CTNNA1: variants seen among roughly 807,000 people sequenced by gnomAD.
CTNNA1 encodes catenin alpha-1.
Under a neutral mutation model 98.4 loss-of-function variants are expected in CTNNA1, and 37 were observed. The ratio of observed to expected loss-of-function variants is 0.38; its 90% confidence interval spans 0.29 to 0.49. The LOEUF is 0.49. CTNNA1 is among the 20% of genes least tolerant of loss of function. CTNNA1 has a pLI of 0.95. For synonymous variants in CTNNA1, 404 were observed against 413.2 expected (o/e 0.98, Z 0.27); for missense variants, 761 against 1,147.2 (o/e 0.66, Z 4.86).
intron 7 of CTNNA1, among the ~76,000 whole-genome samples, chr5:138,852,806 C>G (rs1581271049): frequency 1.3e-5 from 2 of 151,080 alleles, no homozygotes; most frequent in Admixed American, 6.6e-5. Flanking sequence ...AATCTGGAAT[C>G]AATAACTGTA....
At chr5:138,914,440 T>G (rs1341397048) in intron 10 of CTNNA1, among the ~76,000 whole-genome samples, 2 of 152,188 alleles carry the variant, frequency 1.3e-5, no homozygotes, top group African/African-American at 4.8e-5. Flanking sequence ...CAGCATAACG[T>G]GAGAAAAACA....
intron 1 of CTNNA1, among the ~76,000 whole-genome samples, chr5:138,766,489 A>G (rs73790340): frequency 0.036 from 5,397 of 150,610 alleles, 261 homozygotes; most frequent in African/African-American, 0.11. Context: ...CCCAATGATA[A>G]TGATAACTGG....
Position 138,934,742 on chromosome 5 carries a change from C to CT in CTNNA1, c.*660dup, listed in dbSNP as rs893331926. ...GTCTCGATGCCATAATCAGAACACA[C>CT]TTTTTTTCCTCTTTCTCCCAGCTTC... is the stretch of plus-strand genomic sequence containing the variant. On this transcript the variant is annotated 3_prime_UTR_variant, in exon 18 of 18. Coordinates refer to ENST00000302763, the MANE Select transcript of CTNNA1 (RefSeq NM_001903.5). 2 of 152,594 alleles carry CT rather than the reference C, an allele frequency of 1.3e-5. No homozygotes were observed. The highest frequency in any genetic ancestry group is 4.8e-5 in the African/African-American group (2 of 41,418). 9.5% of individuals were successfully genotyped at this position (152,594 alleles called of 1,614,324 possible).
intron 7 of CTNNA1, among the ~76,000 whole-genome samples, chr5:138,850,306 G>T (rs913554819): frequency 2.6e-5 from 4 of 151,908 alleles, no homozygotes; most frequent in Non-Finnish European, 5.9e-5. Context: ...CTGTACTATG[G>T]CATCAGCTTA....
At chr5:138,793,651 T>A (rs1756608013) in intron 3 of CTNNA1, among the ~76,000 whole-genome samples, 1 of 152,242 alleles carries the variant, frequency 6.6e-6, no homozygotes, top group South Asian at 2.1e-4. Flanking sequence ...GATGTTGCAG[T>A]AACATGATTT....
At chr5:138,856,801 C>G (rs1763768225) in intron 7 of CTNNA1, among the ~76,000 whole-genome samples, 1 of 152,136 alleles carries the variant, frequency 6.6e-6, no homozygotes, top group South Asian at 2.1e-4. Flanking sequence ...GAAACTGGAC[C>G]TTTCTGTGCC....
At chr5:138,926,556 C>G (rs1344903462) in intron 13 of CTNNA1, among the ~76,000 whole-genome samples, 3 of 152,186 alleles carry the variant, frequency 2.0e-5, no homozygotes, top group African/African-American at 7.2e-5. Flanking sequence ...GTCCACCCCT[C>G]TGCATCCCAT....
At chr5:138,888,732 T>C (rs1296823753) in intron 9 of CTNNA1, among the ~76,000 whole-genome samples, 1 of 151,940 alleles carries the variant, frequency 6.6e-6, no homozygotes, top group Non-Finnish European at 1.5e-5. Flanking sequence ...GTATTTTTTT[T>C]TTTTTAGTAG....
chr5:138,761,284 G>T (rs765764469), intron 1 of CTNNA1, among the ~76,000 whole-genome samples: 2 of 152,094 alleles, frequency 1.3e-5, no homozygotes, highest in East Asian at 3.8e-4. Context: ...GCCCAGTCTG[G>T]AGTGCAGTGG....
intron 4 of CTNNA1, among the ~76,000 whole-genome samples, chr5:138,810,468 A>T (rs1231019282): frequency 6.6e-6 from 1 of 152,136 alleles, no homozygotes; most frequent in African/African-American, 2.4e-5. Context: ...TTTTCCAGTA[A>T]TGATTAAATA....
intron 7 of CTNNA1, among the ~76,000 whole-genome samples, chr5:138,867,044 A>G (rs1419073264): frequency 6.6e-6 from 1 of 152,252 alleles, no homozygotes; most frequent in South Asian, 2.1e-4. Context: ...AATCAGATGT[A>G]GCTTTAAATG....
chr5:138,920,319 T>C (rs572788359), intron 11 of CTNNA1, among the ~76,000 whole-genome samples: 1 of 152,284 alleles, frequency 6.6e-6, no homozygotes, highest in Non-Finnish European at 1.5e-5. Context: ...TAGAGATATT[T>C]CCCCATCGCT....
intron 9 of CTNNA1, among the ~76,000 whole-genome samples, chr5:138,894,561 C>G (rs1466609472): frequency 6.6e-6 from 1 of 152,086 alleles, no homozygotes; most frequent in African/African-American, 2.4e-5. Context: ...GTGTGAGCCA[C>G]TGCGCCTGGT....
chr5:138,841,351 C>T (rs1762251826), intron 7 of CTNNA1, among the ~76,000 whole-genome samples: 1 of 151,446 alleles, frequency 6.6e-6, no homozygotes, highest in Non-Finnish European at 1.5e-5. Flanking sequence ...CTTCTGCCTC[C>T]TGGATTCAAG....
intron 11 of CTNNA1, among the ~76,000 whole-genome samples, chr5:138,919,484 G>A (rs1203193173): frequency 1.3e-5 from 2 of 152,196 alleles, no homozygotes; most frequent in African/African-American, 4.8e-5. Context: ...AAGGGATTCT[G>A]CAGCAGCATT....
At chr5:138,842,171 A>AC (rs1016522567) in intron 7 of CTNNA1, among the ~76,000 whole-genome samples, 4 of 152,192 alleles carry the variant, frequency 2.6e-5, no homozygotes, top group African/African-American at 9.6e-5. Context: ...ATGGTGGCAC[A>AC]CACCTGTAGT....
intron 1 of CTNNA1, among the ~76,000 whole-genome samples, chr5:138,773,381 G>C (rs1278536528): frequency 2.6e-5 from 4 of 152,220 alleles, no homozygotes; most frequent in African/African-American, 9.6e-5. Context: ...CTGGTCTTCT[G>C]AGGGAAGAGA....
chr5:138,875,161 T>C (rs1229045263), intron 7 of CTNNA1: 1 of 423,368 alleles, frequency 2.4e-6, no homozygotes, highest in Non-Finnish European at 4.1e-6. Context: ...TTATTAAATT[T>C]CTCCACCTCT....
intron 16 of CTNNA1, among the ~76,000 whole-genome samples, chr5:138,931,430 T>G (rs1446400587): frequency 6.6e-6 from 1 of 152,170 alleles, no homozygotes; most frequent in Admixed American, 6.5e-5. Context: ...TCAGTTACAG[T>G]TTTTCTCTGT....
Sources: allele counts gnomAD v4.1 joint callset (sites outside exome capture counted in the v4.1 genomes callset), GRCh38; gene constraint gnomAD v4.1.1; transcripts MANE v1.5; gene names NCBI Gene and HGNC (gene_info 2026-07-23, HGNC 2026-07-21).